Variants in JARID2 observed in about 807,000 individuals in gnomAD.
JARID2 encodes the protein protein Jumonji.
A neutral mutation model predicts 125.6 loss-of-function variants in JARID2; 21 were observed. That is an observed-to-expected ratio of 0.17 (90% CI 0.12 to 0.24). JARID2 has a LOEUF of 0.24. Among genes scored for constraint, JARID2 ranks in the 10% least tolerant of loss-of-function variants. The probability of loss-of-function intolerance (pLI) is 1.00; values close to 1 mark genes in which losing one functional copy is unlikely to be tolerated. For synonymous variants in JARID2, 736 were observed against 661.6 expected (o/e 1.11, Z -1.73); for missense variants, 1,303 against 1,639.6 (o/e 0.79, Z 3.55).
chr6:15,507,033 G>A (rs1771038242), intron 9 of JARID2, 103 bp from the exon 10 acceptor site: 1 of 748,064 alleles, frequency 1.3e-6, no homozygotes, highest in Admixed American at 1.9e-5. Context: ...GTTCTGAGGG[G>A]TGTGTGCACC....
At chr6:15,289,519 C>T (rs1260384460) in intron 1 of JARID2, among the ~76,000 whole-genome samples, 2 of 151,958 alleles carry the variant, frequency 1.3e-5, no homozygotes, top group Non-Finnish European at 2.9e-5. Flanking sequence ...AGGCATGAGC[C>T]ACTGCCCAGC....
Position 15,356,150 on chromosome 6 carries a change from T to G in JARID2, c.46-17967T>G, listed in dbSNP as rs569054250. Among the ~76,000 whole-genome samples the G allele has an allele frequency of 2.6e-5, 4 of 152,336 alleles. No individual in the cohort carries two copies. The East Asian group carries it at 7.7e-4, about 29-fold the overall frequency. On this transcript the variant is annotated intron_variant, in intron 1 of 17. Coordinates refer to ENST00000341776, the MANE Select transcript of JARID2 (RefSeq NM_004973.4). ...ATCCACGCTGCCCCATGAAATCTTT[T>G]TTACGGCTGAATATCCTATTGTAAG... is the stretch of plus-strand genomic sequence containing the variant.
At chr6:15,505,735 C>A (rs917294271) in intron 9 of JARID2, among the ~76,000 whole-genome samples, 5 of 152,280 alleles carry the variant, frequency 3.3e-5, no homozygotes, top group African/African-American at 1.2e-4. Context: ...GCCTGACACC[C>A]GGCCTGTGGT....
At chr6:15,429,463 A>G (rs1486764853) in intron 3 of JARID2, among the ~76,000 whole-genome samples, 1 of 152,088 alleles carries the variant, frequency 6.6e-6, no homozygotes, top group African/African-American at 2.4e-5. Context: ...GTTGGGTCTC[A>G]GTGTGTTGCC....
At chr6:15,424,348 C>CA (rs1473424528) in intron 3 of JARID2, among the ~76,000 whole-genome samples, 1 of 152,166 alleles carries the variant, frequency 6.6e-6, no homozygotes, top group African/African-American at 2.4e-5. Context: ...GTTCTCCCTC[C>CA]ACAATCCTCC....
At chr6:15,397,275 C>A (rs747018879) in intron 2 of JARID2, among the ~76,000 whole-genome samples, 3 of 152,304 alleles carry the variant, frequency 2.0e-5, no homozygotes, top group African/African-American at 2.4e-5. Context: ...GTCAATACTA[C>A]GTAATTTCAT....
At chr6:15,478,352 G>A (rs910665480) in intron 5 of JARID2, among the ~76,000 whole-genome samples, 2 of 152,126 alleles carry the variant, frequency 1.3e-5, no homozygotes, top group African/African-American at 4.8e-5. Context: ...GGTTGTGGGG[G>A]AGGATATGTG....
chr6:15,469,384 C>T (rs1417630498), intron 5 of JARID2, among the ~76,000 whole-genome samples: 1 of 52,388 alleles, frequency 1.9e-5, no homozygotes, highest in East Asian at 7.7e-4. Context: ...CCCTCTCCCC[C>T]TCTCCCCCTT....
At chr6:15,278,647 T>C (rs1420828037) in intron 1 of JARID2, among the ~76,000 whole-genome samples, 2 of 151,788 alleles carry the variant, frequency 1.3e-5, no homozygotes, top group Admixed American at 1.3e-4. Flanking sequence ...CTGGTGAAAA[T>C]AGTGTAGCTG....
At chr6:15,337,816 A>C (rs1192417067) in intron 1 of JARID2, among the ~76,000 whole-genome samples, 1 of 152,182 alleles carries the variant, frequency 6.6e-6, no homozygotes, top group Non-Finnish European at 1.5e-5. Context: ...CAGATTTGAG[A>C]GGGCACATTT....
intron 3 of JARID2, among the ~76,000 whole-genome samples, chr6:15,421,408 C>CT (rs1241246459): frequency 6.8e-6 from 1 of 147,080 alleles, no homozygotes; most frequent in East Asian, 2.0e-4. Context: ...TTTTGTTAGT[C>CT]TTTAAAAAAA....
At chr6:15,338,843 A>T (rs1762969406) in intron 1 of JARID2, among the ~76,000 whole-genome samples, 1 of 152,222 alleles carries the variant, frequency 6.6e-6, no homozygotes, top group South Asian at 2.1e-4. Context: ...GACTTAAAGC[A>T]AATTAAGGAG....
intron 3 of JARID2, among the ~76,000 whole-genome samples, chr6:15,449,712 ATTGT>A (rs974362487): frequency 5.1e-4 from 78 of 152,146 alleles, no homozygotes; most frequent in African/African-American, 1.5e-3. Context: ...AATGACCTAC[ATTGT>A]TTGTAGATTT....
At chr6:15,314,863 C>T (rs896501332) in intron 1 of JARID2, 2 of 152,144 alleles carry the variant, frequency 1.3e-5, no homozygotes, top group Admixed American at 6.5e-5. Context: ...CATACTTAGC[C>T]TGATGTGTTT....
chr6:15,387,249 G>T (rs1390688601), intron 2 of JARID2, among the ~76,000 whole-genome samples: 1 of 152,188 alleles, frequency 6.6e-6, no homozygotes, highest in Non-Finnish European at 1.5e-5. Context: ...GCGTGTGCCT[G>T]TGGTGGGATA....
At chr6:15,294,843 T>G (rs1165547345) in intron 1 of JARID2, among the ~76,000 whole-genome samples, 1 of 152,156 alleles carries the variant, frequency 6.6e-6, no homozygotes. Context: ...AGGGAAGGAC[T>G]TTGTCTCCTG....
chr6:15,479,817 T>C (rs1769524645), intron 5 of JARID2, among the ~76,000 whole-genome samples: 1 of 152,200 alleles, frequency 6.6e-6, no homozygotes, highest in South Asian at 2.1e-4. Flanking sequence ...TCCCTAGTTT[T>C]ACACGTGGAT....
intron 3 of JARID2, among the ~76,000 whole-genome samples, chr6:15,451,724 A>G (rs1210332167): frequency 6.6e-6 from 1 of 152,220 alleles, no homozygotes; most frequent in African/African-American, 2.4e-5. Flanking sequence ...TCAGGCAAAC[A>G]TAGTGTGTAC....
chr6:15,472,529 T>G (rs539474780), intron 5 of JARID2, among the ~76,000 whole-genome samples: 23 of 152,164 alleles, frequency 1.5e-4, no homozygotes, highest in Admixed American at 2.0e-4. Context: ...GTGTCTACCA[T>G]TTTGATTATG....
Sources: gnomAD v4.1 joint callset for allele counts (sites outside exome capture counted in the v4.1 genomes callset) on GRCh38, gnomAD v4.1.1 for gene constraint, MANE v1.5 for transcripts, NCBI Gene and HGNC (gene_info 2026-07-23, HGNC 2026-07-21) for gene names.